The following ERBB4 variants were observed in gnomAD, a reference collection of about 807,000 sequenced individuals.
The protein encoded by ERBB4 is erb-b2 receptor tyrosine kinase 4, also known as receptor tyrosine-protein kinase erbB-4.
A neutral mutation model predicts 158.0 loss-of-function variants in ERBB4; 42 were observed. The ratio of observed to expected loss-of-function variants is 0.27; its 90% CI spans 0.21 to 0.34. The LOEUF (loss-of-function observed/expected upper bound fraction) is 0.34. Ranked by LOEUF, ERBB4 falls within the 10% of genes least tolerant of loss-of-function variation. The pLI is 1.00. For synonymous variants in ERBB4, 583 were observed against 558.7 expected, an observed-to-expected ratio of 1.04 and a Z score of -0.61; for missense variants, 1,333 against 1,624.1, an observed-to-expected ratio of 0.82 and a Z score of 3.08.
At chr2:212,411,447 G>A (rs1453111583) in intron 1 of ERBB4, among the ~76,000 whole-genome samples, 2 of 152,112 alleles carry the variant, frequency 1.3e-5, no homozygotes, top group Non-Finnish European at 2.9e-5. Context: ...AATACACGTA[G>A]ATAAATATTT....
At chr2:211,981,935 A>G (rs1337995437) in intron 2 of ERBB4, among the ~76,000 whole-genome samples, 1 of 152,134 alleles carries the variant, frequency 6.6e-6, no homozygotes, top group East Asian at 1.9e-4. Flanking sequence ...AAATGCACCA[A>G]ATTTCATAAA....
At position 212,319,907 on chromosome 2, in the gene ERBB4, G is replaced by A. The variant is rs191187182; in HGVS notation, c.83-195004C>T. Among the ~76,000 whole-genome samples, 1,105 of 150,206 alleles carry A rather than the reference G, an allele frequency of 7.4e-3. 25 individuals carry two copies. The highest frequency in any genetic ancestry group is 0.024 in the African/African-American group (1,008 of 41,280). ...ACTTCATGTCGTTCCAAAGCTAGGG[G>A]CCAAGAACACAATATACTCTCATCT... On this transcript the variant is annotated intron_variant, in intron 1 of 27. Transcript: ENST00000342788.
At chr2:212,177,113 A>G (rs2081690899) in intron 1 of ERBB4, among the ~76,000 whole-genome samples, 1 of 151,906 alleles carries the variant, frequency 6.6e-6, no homozygotes, top group Non-Finnish European at 1.5e-5. Context: ...CATCATATTA[A>G]GTGCTCAAGT....
At chr2:211,942,146 C>A (rs2080516883) in intron 3 of ERBB4, among the ~76,000 whole-genome samples, 1 of 151,930 alleles carries the variant, frequency 6.6e-6, no homozygotes, top group African/African-American at 2.4e-5. Flanking sequence ...ATTTATTTGA[C>A]CATAACTGAA....
Position 212,043,135 on chromosome 2 carries a change from T to A in ERBB4, c.234+81617A>T, listed in dbSNP as rs139086800. On this transcript the variant is annotated intron_variant, in intron 2 of 27. Transcript: ENST00000342788. ...TACCTTTATGCTTTGAAAGCAATGA[T>A]AAACAAGTTACCTTTGACACGATAT... Among the ~76,000 whole-genome samples the A allele has an allele frequency of 1.1e-3, 162 of 152,286 alleles. 1 individual carries two copies. Among genetic ancestry groups the A allele is most frequent in the African/African-American group, 3.6e-3 (150 of 41,586 alleles).
intron 1 of ERBB4, among the ~76,000 whole-genome samples, chr2:212,455,449 G>C (rs560233802): frequency 7.2e-4 from 110 of 152,024 alleles, no homozygotes; most frequent in African/African-American, 2.5e-3. Context: ...TCTCTGCATT[G>C]TCCAATATGG....
chr2:211,534,131 C>T (rs552335654), intron 20 of ERBB4, among the ~76,000 whole-genome samples: 51 of 152,138 alleles, frequency 3.4e-4, no homozygotes, highest in Middle Eastern at 6.8e-3. Context: ...AGTAGGAATC[C>T]GTTGCTATCA....
At chr2:211,466,332 GTTTTT>G (rs1158162850) in intron 20 of ERBB4, among the ~76,000 whole-genome samples, 1 of 118,576 alleles carries the variant, frequency 8.4e-6, no homozygotes, top group Non-Finnish European at 1.8e-5. Context: ...TTTTTGTGTA[GTTTTT>G]TTTTTTTTTT....
At chr2:211,757,271 CTT>C (rs2075306718) in intron 4 of ERBB4, among the ~76,000 whole-genome samples, 1 of 152,154 alleles carries the variant, frequency 6.6e-6, no homozygotes, top group Non-Finnish European at 1.5e-5. Flanking sequence ...AAAATGGAAA[CTT>C]TAACTTTCAT....
Position 211,430,947 on chromosome 2 carries a change from T to G in ERBB4, c.2641A>C (p.Lys881Gln), listed in dbSNP as rs2063736559. 3 of 1,612,906 alleles carry G rather than the reference T, an allele frequency of 1.9e-6. No individual in the cohort carries two copies. Among genetic ancestry groups the G allele is most frequent in the East Asian group, 4.5e-5 (2 of 44,852 alleles). ...ATTGCTCTCAAAAAGATACCCACCT[T>G]TCCTCCATCAGCATTGTACTCTTTT... The part of the protein sequence containing the change: ...DEKEYNADGG[K>Q]MPIKWMALEC... Residue 881 changes from lysine to glutamine, a missense_variant and splice_region_variant, in exon 21 of 28, where the codon AAG (lysine) becomes CAG (glutamine). Transcript: ENST00000342788.
At chr2:211,553,304 A>C (rs2067153345) in intron 20 of ERBB4, among the ~76,000 whole-genome samples, 2 of 152,112 alleles carry the variant, frequency 1.3e-5, no homozygotes, top group Non-Finnish European at 2.9e-5. Context: ...ATTAGAAGCC[A>C]AGTTAAGACC....
intron 1 of ERBB4, among the ~76,000 whole-genome samples, chr2:212,394,766 T>C (rs1209428662): frequency 2.6e-5 from 4 of 152,102 alleles, no homozygotes; most frequent in Non-Finnish European, 5.9e-5. Context: ...CCCTGTAACA[T>C]GAATGAAGAC....
intron 4 of ERBB4, among the ~76,000 whole-genome samples, chr2:211,775,951 C>CA: frequency 6.6e-6 from 1 of 152,094 alleles, no homozygotes; most frequent in East Asian, 1.9e-4. Flanking sequence ...AGACCGGGGG[C>CA]AAGAGATGGT....
intron 20 of ERBB4, among the ~76,000 whole-genome samples, chr2:211,478,118 C>T (rs1441466158): frequency 6.6e-6 from 1 of 152,120 alleles, no homozygotes; most frequent in East Asian, 1.9e-4. Flanking sequence ...AAAGGGATGC[C>T]AACCACATTA....
chr2:212,050,964 C>A (rs1002250784), intron 2 of ERBB4, among the ~76,000 whole-genome samples: 60 of 152,064 alleles, frequency 3.9e-4, no homozygotes, highest in Admixed American at 2.0e-3. Flanking sequence ...CATAAACAAC[C>A]AGGGAATGTA....
At chr2:212,345,123 G>T (rs566489881) in intron 1 of ERBB4, among the ~76,000 whole-genome samples, 1 of 151,698 alleles carries the variant, frequency 6.6e-6, no homozygotes, top group Non-Finnish European at 1.5e-5. Flanking sequence ...AAAATTAGCT[G>T]GGCGTGATGG....
chr2:211,981,302 T>C (rs997488446), intron 2 of ERBB4, among the ~76,000 whole-genome samples: 1 of 152,130 alleles, frequency 6.6e-6, no homozygotes, highest in African/African-American at 2.4e-5. Context: ...GCTTACTTCA[T>C]TTTCTATTAT....
chr2:211,609,550 A>T (rs1574851689), intron 19 of ERBB4, among the ~76,000 whole-genome samples: 1 of 152,190 alleles, frequency 6.6e-6, no homozygotes, highest in East Asian at 1.9e-4. Context: ...TTAATTAGGC[A>T]TTTTTCTTCA....
intron 20 of ERBB4, among the ~76,000 whole-genome samples, chr2:211,555,921 AT>A (rs1417611965): frequency 6.6e-6 from 1 of 152,222 alleles, no homozygotes; most frequent in Admixed American, 6.5e-5. Context: ...ACAAGTCTGC[AT>A]GATAACCAGC....
Sources: gnomAD v4.1 joint callset for allele counts (sites outside exome capture counted in the v4.1 genomes callset) on GRCh38, gnomAD v4.1.1 for gene constraint, MANE v1.5 for transcripts, NCBI Gene and HGNC (gene_info 2026-07-23, HGNC 2026-07-21) for gene names.